COMMD10: variants seen among roughly 807,000 people sequenced by gnomAD.
COMMD10 encodes the protein COMM domain containing 10.
In COMMD10, 33 loss-of-function variants were observed where a neutral mutation model predicts 28.9. That is an observed-to-expected ratio of 1.14 (90% CI 0.87 to 1.53). COMMD10 has a LOEUF of 1.53. Among genes scored for constraint, COMMD10 ranks in the 40% most tolerant of loss-of-function variants. COMMD10 has a pLI of 0.00. For missense variants in COMMD10, 310 were observed against 233.4 expected, an observed-to-expected ratio of 1.33 and a Z score of -2.14; for synonymous variants, 110 against 81.7, an observed-to-expected ratio of 1.35 and a Z score of -1.87.
At chr5:116,112,140 C>G (rs115276134) in intron 4 of COMMD10, among the ~76,000 whole-genome samples, 3 of 152,120 alleles carry the variant, frequency 2.0e-5, no homozygotes, top group Non-Finnish European at 4.4e-5. Context: ...AATAATCTGT[C>G]TGGGAAAGAA....
intron 5 of COMMD10, among the ~76,000 whole-genome samples, chr5:116,286,086 TTAG>T (rs1008902977): frequency 9.9e-5 from 15 of 151,902 alleles, no homozygotes; most frequent in African/African-American, 3.4e-4. Context: ...TGATTTAGTC[TTAG>T]TAGGTTGTTT....
At chr5:116,251,709 T>C (rs1369272809) in intron 5 of COMMD10, among the ~76,000 whole-genome samples, 7 of 151,746 alleles carry the variant, frequency 4.6e-5, no homozygotes, top group Admixed American at 6.6e-5. Flanking sequence ...GACATTTGGG[T>C]TGGTTCCAAG....
At chr5:116,215,125 T>C (rs565186744) in intron 5 of COMMD10, among the ~76,000 whole-genome samples, 4 of 152,172 alleles carry the variant, frequency 2.6e-5, no homozygotes, top group Non-Finnish European at 5.9e-5. Context: ...TTTATTGATA[T>C]ATAATAATTA....
chr5:116,096,805 A>C (rs1490339487), intron 4 of COMMD10, among the ~76,000 whole-genome samples: 1 of 151,830 alleles, frequency 6.6e-6, no homozygotes, highest in African/African-American at 2.4e-5. Flanking sequence ...TCATTGCTTC[A>C]TTTTTTATCA....
chr5:116,284,201 A>G (rs1472662331), intron 5 of COMMD10, among the ~76,000 whole-genome samples: 1 of 151,876 alleles, frequency 6.6e-6, no homozygotes, highest in African/African-American at 2.4e-5. Context: ...CTAAAATCCA[A>G]TTTTGCATTA....
At chr5:116,200,954 G>A (rs1016677943) in intron 5 of COMMD10, among the ~76,000 whole-genome samples, 3 of 152,150 alleles carry the variant, frequency 2.0e-5, no homozygotes, top group Non-Finnish European at 2.9e-5. Context: ...TGGGAGAAGA[G>A]AAGTGTTCTG....
intron 4 of COMMD10, among the ~76,000 whole-genome samples, chr5:116,126,250 A>G (rs1266108289): frequency 6.6e-6 from 1 of 152,200 alleles, no homozygotes; most frequent in Non-Finnish European, 1.5e-5. Flanking sequence ...GAGAACTACA[A>G]ACCACTGCTC....
At chr5:116,178,354 A>G (rs1157337383) in intron 5 of COMMD10, among the ~76,000 whole-genome samples, 3 of 152,072 alleles carry the variant, frequency 2.0e-5, no homozygotes, top group Admixed American at 6.6e-5. Context: ...TCTGCGATTA[A>G]TTAGTAAGAT....
chr5:116,149,619 T>C (rs1752451653), intron 5 of COMMD10, among the ~76,000 whole-genome samples: 1 of 151,466 alleles, frequency 6.6e-6, no homozygotes, highest in African/African-American at 2.4e-5. Context: ...ATGGTGAGCA[T>C]TTTTTCATGT....
At chr5:116,212,841 A>G (rs1580553265) in intron 5 of COMMD10, among the ~76,000 whole-genome samples, 3 of 152,216 alleles carry the variant, frequency 2.0e-5, no homozygotes, top group Admixed American at 6.6e-5. Context: ...TATTCTGTAT[A>G]TATCTGACAC....
At chr5:116,139,543 G>C (rs1752130401) in intron 5 of COMMD10, among the ~76,000 whole-genome samples, 1 of 151,352 alleles carries the variant, frequency 6.6e-6, no homozygotes, top group African/African-American at 2.4e-5. Flanking sequence ...GACTGATTTG[G>C]AATGACCTTC....
At chr5:116,291,681 T>A in intron 6 of COMMD10, 105 bp downstream of exon 6, 1 of 612,990 alleles carries the variant, frequency 1.6e-6, no homozygotes, top group Non-Finnish European at 2.7e-6. Context: ...GGAACTAAGT[T>A]CTTTAAACTT....
At position 116,098,824 on chromosome 5, in the gene COMMD10, G is replaced by A. The variant is rs1275984753; in HGVS notation, c.399+6124G>A. Among the ~76,000 whole-genome samples the A allele has an allele frequency of 3.9e-5, 6 of 151,974 alleles. No homozygotes were observed. The East Asian group carries it at 5.8e-4, about 15-fold the overall frequency. Reference sequence around the variant, plus strand: ...AAAAACTTCTTTTTTAAGCTTTATCGAGGTATAATTGATAAACAAAAATTA... The same window carrying A: ...AAAAACTTCTTTTTTAAGCTTTATCAAGGTATAATTGATAAACAAAAATTA... On this transcript the variant is annotated intron_variant, in intron 4 of 6. Transcript: ENST00000274458.
chr5:116,155,216 T>C (rs1332309781), intron 5 of COMMD10, among the ~76,000 whole-genome samples: 1 of 152,132 alleles, frequency 6.6e-6, no homozygotes, highest in Admixed American at 6.6e-5. Context: ...ATTTAGTTAT[T>C]CTATTTCTGG....
chr5:116,160,773 A>G (rs1508875), intron 5 of COMMD10, among the ~76,000 whole-genome samples: 75,663 of 152,022 alleles, frequency 0.5, 21,866 homozygotes, highest in Non-Finnish European at 0.65. Flanking sequence ...GGCAACATGC[A>G]TTCTCTGTAA....
At chr5:116,125,324 G>A (rs902663107) in intron 4 of COMMD10, among the ~76,000 whole-genome samples, 13 of 152,126 alleles carry the variant, frequency 8.5e-5, no homozygotes, top group African/African-American at 3.1e-4. Context: ...ATTTTGGCTG[G>A]ATATGAAATT....
At chr5:116,251,553 T>C (rs1301347161) in intron 5 of COMMD10, among the ~76,000 whole-genome samples, 1 of 150,832 alleles carries the variant, frequency 6.6e-6, no homozygotes, top group African/African-American at 2.4e-5. Context: ...TTTGGTTTTT[T>C]TGTTCTTGCG....
At chr5:116,126,470 A>C (rs142611815) in intron 4 of COMMD10, among the ~76,000 whole-genome samples, 1,543 of 152,242 alleles carry the variant, frequency 0.01, 32 homozygotes, top group African/African-American at 0.035. Context: ...TTGCCAAGTC[A>C]ATCCTAAGCA....
chr5:116,246,008 T>G (rs908310491), intron 5 of COMMD10, among the ~76,000 whole-genome samples: 8 of 152,012 alleles, frequency 5.3e-5, no homozygotes, highest in Non-Finnish European at 8.8e-5. Flanking sequence ...GAGAAAGAAA[T>G]AAAGGGCATC....
Sources: allele counts gnomAD v4.1 joint callset (sites outside exome capture counted in the v4.1 genomes callset), GRCh38; gene constraint gnomAD v4.1.1; transcripts MANE v1.5; gene names NCBI Gene and HGNC (gene_info 2026-07-23, HGNC 2026-07-21).